RNF214: variants seen among roughly 807,000 people sequenced by gnomAD.
RNF214 encodes ring finger protein 214.
A neutral mutation model predicts 75.9 loss-of-function variants in RNF214; 25 were observed. That is an observed-to-expected ratio of 0.33 (90% CI 0.24 to 0.46). The LOEUF (loss-of-function observed/expected upper bound fraction) is 0.46. Ranked by LOEUF, RNF214 falls within the 20% of genes least tolerant of loss-of-function variation. The pLI, the probability that RNF214 is intolerant of heterozygous loss-of-function variation, is 1.00. For missense variants in RNF214, 725 were observed against 857.5 expected, an observed-to-expected ratio of 0.85 and a Z score of 1.93; for synonymous variants, 314 against 308.8, an observed-to-expected ratio of 1.02 and a Z score of -0.18.
In RNF214 at chr11:117,281,380, T is replaced by A; in HGVS notation, c.1212T>A (p.Val404=). The change falls in exon 9 of 15, where the codon GTT becomes GTA. Residue 404 remains valine, a synonymous_variant. Transcript: ENST00000300650. ...AGTGGGAGACGAGACTGAATGGAGTTCGGATAATGAAAAAGAATGTTCGTG... is the reference window on the plus strand; with the variant it reads ...AGTGGGAGACGAGACTGAATGGAGTACGGATAATGAAAAAGAATGTTCGTG... ...KQEWETRLNG[V]RIMKKNVRDQ... The A allele has an allele frequency of 6.2e-7, 1 of 1,613,004 alleles. No homozygotes were observed.
At chr11:117,282,644 G>A in intron 12 of RNF214, 102 bp from the exon 13 acceptor site, 1 of 1,551,884 alleles carries the variant, frequency 6.4e-7, no homozygotes, top group South Asian at 1.1e-5. Context: ...GAGGTAGCTA[G>A]TCTGCTTTTT....
intron 6 of RNF214, among the ~76,000 whole-genome samples, chr11:117,268,462 A>G (rs1412274076): frequency 6.6e-6 from 1 of 152,042 alleles, no homozygotes; most frequent in Non-Finnish European, 1.5e-5. Flanking sequence ...GGTCGGGGGG[A>G]GTCTTTTTTA....
intron 8 of RNF214, among the ~76,000 whole-genome samples, chr11:117,280,717 A>G (rs774739663): frequency 1.7e-4 from 26 of 152,322 alleles, no homozygotes; most frequent in South Asian, 6.2e-4. Context: ...AAGCATAACA[A>G]TGATCTTTGG....
chr11:117,277,066 G>C (rs2034029072), intron 6 of RNF214, among the ~76,000 whole-genome samples: 1 of 152,150 alleles, frequency 6.6e-6, no homozygotes, highest in Admixed American at 6.5e-5. Context: ...TATTAGGCTG[G>C]GTATAGTGGC....
chr11:117,246,054 T>G (rs985439086), intron 5 of RNF214, among the ~76,000 whole-genome samples: 1 of 152,166 alleles, frequency 6.6e-6, no homozygotes, highest in Non-Finnish European at 1.5e-5. Context: ...TATCTTTGAC[T>G]TTCTGGGCTC....
rs189085988 is a variant in RNF214, at chr11:117,260,103, G to A, written c.959+13155G>A. Among the ~76,000 whole-genome samples the A allele has an allele frequency of 2.9e-3, 436 of 151,712 alleles. 1 individual carries two copies. Among genetic ancestry groups the A allele is most frequent in the African/African-American group, 1.0e-2 (413 of 41,364 alleles). On this transcript the variant is annotated intron_variant, in intron 6 of 14. Coordinates refer to ENST00000300650, the MANE Select transcript of RNF214 (RefSeq NM_207343.4). The stretch of plus-strand genomic sequence containing the variant: ...TTTTTTTTTTTTTCTCCCCCTGGGA[G>A]GCACAACATTGGAATGTGTGTTTGT...
In RNF214 at chr11:117,234,309, G is replaced by T; in HGVS notation, c.37G>T (p.Ala13Ser). ...TGAGGTTGCTGGTGTTGTGGCCAAT[G>T]CCCCCAGTCCTCCGGAATCTTCTAG... ...ASEVAGVVAN[A>S]PSPPESSSLC... Residue 13 changes from alanine (A) to serine (S), a missense_variant, in exon 2 of 15, where the codon GCC becomes TCC. By Grantham distance (99) the Ala-to-Ser change is moderately conservative. This residue lies in a region of RNF214 where 362 missense variants were observed against 344.5 expected (regional missense o/e 1.05). Coordinates refer to ENST00000300650, the MANE Select transcript of RNF214 (RefSeq NM_207343.4). The T allele has an allele frequency of 2.5e-6, 4 of 1,614,168 alleles. No individual in the cohort carries two copies. Among genetic ancestry groups the T allele is most frequent in the Non-Finnish European group, 3.4e-6 (4 of 1,179,996 alleles).
At chr11:117,243,917 C>G (rs1303347445) in intron 4 of RNF214, among the ~76,000 whole-genome samples, 4 of 152,158 alleles carry the variant, frequency 2.6e-5, no homozygotes, top group African/African-American at 9.7e-5. Context: ...AGTCTGAATA[C>G]CAGGTTCCCA....
chr11:117,239,520 T>C, intron 3 of RNF214: 1 of 477,954 alleles, frequency 2.1e-6, no homozygotes. Flanking sequence ...GGAGAAAGTA[T>C]GGGCACAACA....
At chr11:117,273,141 T>C (rs2033945691) in intron 6 of RNF214, among the ~76,000 whole-genome samples, 1 of 152,124 alleles carries the variant, frequency 6.6e-6, no homozygotes, top group Non-Finnish European at 1.5e-5. Context: ...TTTAATTGAT[T>C]GCAATATATT....
At chr11:117,284,417 C>A (rs187532666) in intron 14 of RNF214, among the ~76,000 whole-genome samples, 1 of 152,078 alleles carries the variant, frequency 6.6e-6, no homozygotes, top group South Asian at 2.1e-4. Context: ...CATCTAAATT[C>A]TTGGTAAGAA....
At chr11:117,246,635 T>G (rs188990882) in intron 5 of RNF214, among the ~76,000 whole-genome samples, 174 bp from the exon 6 acceptor site, 1 of 152,374 alleles carries the variant, frequency 6.6e-6, no homozygotes, top group Non-Finnish European at 1.5e-5. Flanking sequence ...AACTTTCTCC[T>G]TTAGGTCTGA....
chr11:117,238,837 C>T lies in RNF214; in HGVS notation c.344C>T (p.Thr115Ile). 6.2e-7 allele frequency: 1 copy of T among 1,614,166 alleles called. No individual in the cohort carries two copies. The highest frequency in any genetic ancestry group is 1.1e-5 in the South Asian group (1 of 91,086). Residue 115 changes from threonine (T) to isoleucine (I), a missense_variant, in exon 3 of 15, where the codon ACA becomes ATA. Thr to Ile is a moderately conservative substitution (Grantham distance 89, BLOSUM62 -1). Around this residue, in one of 2 missense-constraint regions of RNF214, gnomAD observed 362 missense variants for 344.5 expected, o/e 1.05. Transcript: ENST00000300650. ...SQSDLKDVAS[T>I]AGEEGDTSLR... ...TCTGATTTGAAGGATGTGGCCAGCACAGCAGGAGAGGAGGGGGACACAAGC... is the reference window on the plus strand; with the variant it reads ...TCTGATTTGAAGGATGTGGCCAGCATAGCAGGAGAGGAGGGGGACACAAGC...
At chr11:117,278,816 GC>G (rs1402035252) in intron 6 of RNF214, among the ~76,000 whole-genome samples, 1 of 152,156 alleles carries the variant, frequency 6.6e-6, no homozygotes, top group African/African-American at 2.4e-5. Flanking sequence ...TAGGCCTCTG[GC>G]CAGGCACAGT....
chr11:117,250,593 A>T (rs970255323), intron 6 of RNF214, among the ~76,000 whole-genome samples: 6 of 63,278 alleles, frequency 9.5e-5, no homozygotes, highest in African/African-American at 4.4e-4. Flanking sequence ...TATTATTTTT[A>T]TTTATTTATT....
rs199642820 is a variant in RNF214 at position 117,283,225 on chromosome 11, C to G, written c.2046+15C>G. On this transcript the variant is annotated intron_variant, in intron 14 of 14. Transcript: ENST00000300650. ...TGCACAAGGAGGTAGGTGTTACAGACCTTCCTCATTTTCTACACTTTTTCT... is the reference window on the plus strand; with the variant it reads ...TGCACAAGGAGGTAGGTGTTACAGAGCTTCCTCATTTTCTACACTTTTTCT... 3,307 of 1,532,112 alleles carry G rather than the reference C, an allele frequency of 2.2e-3. 43 individuals are homozygous for G. Among genetic ancestry groups the G allele is most frequent in the Middle Eastern group, 8.8e-3 (52 of 5,898 alleles). 94.9% of individuals were successfully genotyped at this position (1,532,112 alleles called of 1,614,324 possible).
At chr11:117,244,334 AT>A in intron 4 of RNF214, 110 bp from the exon 5 acceptor site, 1 of 793,260 alleles carries the variant, frequency 1.3e-6, no homozygotes, top group Non-Finnish European at 2.0e-6. Context: ...GAGTAGCTTC[AT>A]TATTGGATAG....
At chr11:117,274,356 C>CTTTT (rs11461326) in intron 6 of RNF214, among the ~76,000 whole-genome samples, 1,297 of 79,180 alleles carry the variant, frequency 0.016, 21 homozygotes, top group East Asian at 0.024. Context: ...CAAATGACTT[C>CTTTT]TTTTTTTTTT....
At position 117,255,686 on chromosome 11, in the gene RNF214, C is replaced by G. The variant is rs577697474; in HGVS notation, c.959+8738C>G. Among the ~76,000 whole-genome samples the G allele has an allele frequency of 2.0e-5, 3 of 151,816 alleles. No individual in the cohort carries two copies. The East Asian group carries it at 5.8e-4, about 29-fold the overall frequency. ...ATTCTTAGTATTAATTATTCTTTCT[C>G]TCTGTCACTGGCCACTACACCCAGC... On this transcript the variant is annotated intron_variant, in intron 6 of 14. Transcript: ENST00000300650.
Sources: gnomAD v4.1 joint callset for allele counts (sites outside exome capture counted in the v4.1 genomes callset) on GRCh38, gnomAD v4.1.1 for gene constraint, gnomAD v4.1.1 regional missense constraint, MANE v1.5 for transcripts, NCBI Gene and HGNC (gene_info 2026-07-23, HGNC 2026-07-21) for gene names.